Variants in TRPM1 observed in about 807,000 individuals in gnomAD.
TRPM1 encodes transient receptor potential cation channel subfamily M member 1.
In TRPM1, 113 loss-of-function variants were observed where a neutral mutation model predicts 149.4. The observed-to-expected ratio is 0.76, with a 90% confidence interval of 0.65 to 0.88. The LOEUF is 0.88. Among genes scored for constraint, TRPM1 ranks in the 40% least tolerant of loss-of-function variants. TRPM1 has a pLI of 0.00. For synonymous variants in TRPM1, 741 were observed against 759.5 expected, an observed-to-expected ratio of 0.98 and a Z score of 0.40; for missense variants, 1,976 against 2,038.7, an observed-to-expected ratio of 0.97 and a Z score of 0.59.
At chr15:31,113,436 T>C (rs1484686924) in intron 1 of TRPM1, among the ~76,000 whole-genome samples, 1 of 54,406 alleles carries the variant, frequency 1.8e-5, no homozygotes, top group African/African-American at 4.8e-5. Context: ...CTGACAGTTT[T>C]TTTTTTTTCA....
In TRPM1 at chr15:31,067,912, C is replaced by T. The variant is rs781588390; in HGVS notation, c.460G>A (p.Gly154Arg). The change falls in exon 5 of 28, where the codon GGG becomes AGG. Residue 154 changes from glycine to arginine, a missense_variant. Gly to Arg is a moderately radical substitution (Grantham distance 125). Coordinates refer to ENST00000256552, the MANE Select transcript of TRPM1 (RefSeq NM_001252024.2). ...KGLIKAAMTT[G>R]AWIFTGGVST... The stretch of plus-strand genomic sequence containing the variant: ...ACACCCCCGGTGAAGATCCAGGCCC[C>T]GGTGGTCATAGCAGCCTTGATCAGG... The T allele has an allele frequency of 2.9e-5, 47 of 1,613,432 alleles. No homozygotes were observed. In the African/African-American group the frequency reaches 4.4e-4, roughly 15 times the overall value.
intron 27 of TRPM1, among the ~76,000 whole-genome samples, chr15:31,010,043 CT>C (rs2140875893): frequency 6.6e-6 from 1 of 152,208 alleles, no homozygotes; most frequent in African/African-American, 2.4e-5. Context: ...TACTGATTGT[CT>C]TTTTTCCCCA....
At chr15:31,136,679 A>C (rs375361512) in intron 1 of TRPM1, among the ~76,000 whole-genome samples, 3 of 151,928 alleles carry the variant, frequency 2.0e-5, no homozygotes, top group East Asian at 1.9e-4. Flanking sequence ...TTGTCTCATA[A>C]GGAAAGTCAC....
intron 3 of TRPM1, among the ~76,000 whole-genome samples, chr15:31,072,681 C>T (rs2034592285): frequency 6.6e-6 from 1 of 152,158 alleles, no homozygotes; most frequent in Non-Finnish European, 1.5e-5. Context: ...TCCTCTCCCA[C>T]ACACTATCTT....
chr15:31,032,845 G>C lies in TRPM1; in HGVS notation c.2796C>G (p.Phe932Leu). The change falls in exon 22 of 28, where the codon TTC (phenylalanine) becomes TTG (leucine). Residue 932 changes from phenylalanine to leucine, a missense_variant. Around this residue, in one of 3 missense-constraint regions of TRPM1, gnomAD observed 1,332 missense variants for 1,347.1 expected, o/e 0.99. Coordinates refer to ENST00000256552, the MANE Select transcript of TRPM1 (RefSeq NM_001252024.2). ...GTAGGCGAAGAATTGCTCCAATCAT[G>C]AATGTGGAAATGGCCACGAGATCTG... The part of the protein sequence containing the change: ...NITDLVAIST[F>L]MIGAILRLQN... 6.2e-7 allele frequency: 1 copy of C among 1,614,206 alleles called. No individual in the cohort carries two copies. Among genetic ancestry groups the C allele is most frequent in the Non-Finnish European group, 8.5e-7 (1 of 1,180,046 alleles).
chr15:31,027,188 T>C, intron 25 of TRPM1, 71 bp from the exon 26 acceptor site: 6 of 1,438,530 alleles, frequency 4.2e-6, no homozygotes, highest in Non-Finnish European at 5.8e-6. Flanking sequence ...CAGTCAAAGT[T>C]ACTCACATTT....
chr15:31,081,531 A>G, intron 1 of TRPM1, 93 bp from the exon 2 acceptor site: 1 of 788,950 alleles, frequency 1.3e-6, no homozygotes, highest in East Asian at 2.7e-5. Flanking sequence ...CCTTTGTTCC[A>G]GTCTCTGCTC....
At chr15:31,066,938 G>C (rs1243027198) in intron 6 of TRPM1, 125 bp downstream of exon 6, 1 of 1,266,314 alleles carries the variant, frequency 7.9e-7, no homozygotes, top group Non-Finnish European at 1.1e-6. Context: ...GTTACCATTG[G>C]AGGAATGGGA....
chr15:31,091,683 G>T (rs1052114662), intron 1 of TRPM1, among the ~76,000 whole-genome samples: 1 of 152,172 alleles, frequency 6.6e-6, no homozygotes, highest in Non-Finnish European at 1.5e-5. Context: ...TCACATGTGC[G>T]CTGTGTTCCT....
Position 31,037,984 on chromosome 15 carries a change from T to C in TRPM1, c.2439+60A>G, listed in dbSNP as rs1264084971. The C allele has an allele frequency of 2.5e-6, 4 of 1,613,326 alleles. No homozygotes were observed. The East Asian group carries it at 8.9e-5, about 36-fold the overall frequency. On this transcript the variant is annotated intron_variant, in intron 19 of 27. Transcript: ENST00000256552. ...ATTTCTCAATCTGTGGTACAAGAAA[T>C]CTCAACAATTTTGAAAACAAGATTA... is the stretch of plus-strand genomic sequence containing the variant.
At chr15:31,144,732 T>TTC (rs2036203463) in intron 1 of TRPM1, among the ~76,000 whole-genome samples, 1 of 147,424 alleles carries the variant, frequency 6.8e-6, no homozygotes, top group African/African-American at 2.5e-5. Flanking sequence ...TTTTTTTTTT[T>TTC]GAGACATAGT....
At chr15:31,114,988 C>T (rs1200528980) in intron 1 of TRPM1, among the ~76,000 whole-genome samples, 1 of 152,230 alleles carries the variant, frequency 6.6e-6, no homozygotes, top group Non-Finnish European at 1.5e-5. Flanking sequence ...GGCATTGTGG[C>T]TCATGCCTGT....
At chr15:31,012,187 A>G (rs1283510041) in intron 27 of TRPM1, among the ~76,000 whole-genome samples, 2 of 152,204 alleles carry the variant, frequency 1.3e-5, no homozygotes, top group African/African-American at 4.8e-5. Context: ...ATATTTACCT[A>G]TGTAGTTAAA....
rs112739225 is a variant in TRPM1 at position 31,064,946 on chromosome 15, C to T, written c.790+1130G>A. ...CCAAGCAAGGATTGATATTTTCAAT[C>T]TTTAGGAATATGGTGGCCAAATCAC... is the stretch of plus-strand genomic sequence containing the variant. On this transcript the variant is annotated intron_variant, in intron 7 of 27. Coordinates refer to ENST00000256552, the MANE Select transcript of TRPM1 (RefSeq NM_001252024.2). 1.6e-3 allele frequency: 763 copies of T among 465,304 alleles called. 4 individuals carry two copies. Among genetic ancestry groups the T allele is most frequent in the African/African-American group, 0.014 (692 of 49,608 alleles). 28.8% of individuals were successfully genotyped at this position (465,304 alleles called of 1,614,324 possible).
At chr15:31,124,305 T>G (rs1020547060) in intron 1 of TRPM1, among the ~76,000 whole-genome samples, 5 of 151,594 alleles carry the variant, frequency 3.3e-5, no homozygotes, top group Admixed American at 1.3e-4. Flanking sequence ...AATAAATAAA[T>G]AAGCCATCAG....
intron 1 of TRPM1, among the ~76,000 whole-genome samples, chr15:31,151,694 G>C (rs2036306460): frequency 6.6e-6 from 1 of 152,192 alleles, no homozygotes; most frequent in Admixed American, 6.5e-5. Context: ...GACATCACTG[G>C]TTCCCTCCCT....
intron 27 of TRPM1, among the ~76,000 whole-genome samples, chr15:31,004,333 C>T (rs1383796741): frequency 6.6e-6 from 1 of 152,100 alleles, no homozygotes; most frequent in Non-Finnish European, 1.5e-5. Flanking sequence ...AGCAGATTGC[C>T]TGCCACTGTT....
intron 4 of TRPM1, among the ~76,000 whole-genome samples, chr15:31,068,569 C>G (rs1379416968): frequency 6.6e-6 from 1 of 151,568 alleles, no homozygotes; most frequent in Non-Finnish European, 1.5e-5. Flanking sequence ...TGTTGAAACC[C>G]CGTCTCTACT....
intron 1 of TRPM1, among the ~76,000 whole-genome samples, chr15:31,088,828 T>C (rs1226940568): frequency 6.6e-6 from 1 of 151,560 alleles, no homozygotes; most frequent in Non-Finnish European, 1.5e-5. Context: ...AGGAGGCCTT[T>C]GTACCGGGGC....
Sources: allele counts gnomAD v4.1 joint callset (sites outside exome capture counted in the v4.1 genomes callset), GRCh38; gene constraint gnomAD v4.1.1; regional missense constraint gnomAD v4.1.1; transcripts MANE v1.5; gene names NCBI Gene and HGNC (gene_info 2026-07-23, HGNC 2026-07-21).